Variants in PRKD1 observed in about 807,000 individuals in gnomAD.
PRKD1 encodes protein kinase D1, also known as serine/threonine-protein kinase D1.
Under a neutral mutation model 95.9 loss-of-function variants are expected in PRKD1, and 63 were observed. The observed-to-expected ratio is 0.66, with a 90% CI of 0.54 to 0.81. PRKD1 has a LOEUF of 0.81. Among genes scored for constraint, PRKD1 ranks in the 30% least tolerant of loss-of-function variants. The pLI is 0.00. For missense variants in PRKD1, 1,048 were observed against 1,165.3 expected (o/e 0.90, Z 1.47); for synonymous variants, 425 against 423.1 (o/e 1.00, Z -0.05).
intron 2 of PRKD1, among the ~76,000 whole-genome samples, chr14:29,686,090 C>T: frequency 6.6e-6 from 1 of 152,278 alleles, no homozygotes; most frequent in South Asian, 2.1e-4. Flanking sequence ...TTCCTACTTT[C>T]TTTAATAGTT....
intron 16 of PRKD1, among the ~76,000 whole-genome samples, chr14:29,582,460 T>C (rs1892784966): frequency 6.6e-6 from 1 of 152,212 alleles, no homozygotes; most frequent in Admixed American, 6.5e-5. Flanking sequence ...ATTTTATCTA[T>C]GATTTATTAA....
At chr14:29,604,211 T>C (rs1893624859) in intron 13 of PRKD1, among the ~76,000 whole-genome samples, 1 of 152,204 alleles carries the variant, frequency 6.6e-6, no homozygotes, top group Non-Finnish European at 1.5e-5. Flanking sequence ...ATCTAAGTAC[T>C]AATATTCTTT....
intron 1 of PRKD1, among the ~76,000 whole-genome samples, chr14:29,769,923 A>G (rs1181251074): frequency 1.3e-5 from 2 of 152,208 alleles, no homozygotes; most frequent in Non-Finnish European, 2.9e-5. Context: ...ATATGTTGAA[A>G]CCTAATCCTC....
At chr14:29,886,410 C>T (rs1893706676) in intron 1 of PRKD1, among the ~76,000 whole-genome samples, 5 of 152,170 alleles carry the variant, frequency 3.3e-5, no homozygotes, top group Admixed American at 6.5e-5. Flanking sequence ...CCAGGTAGAA[C>T]ATGAGAAAAT....
intron 2 of PRKD1, among the ~76,000 whole-genome samples, chr14:29,698,191 T>C (rs1284566299): frequency 2.6e-5 from 4 of 152,136 alleles, no homozygotes; most frequent in Admixed American, 2.0e-4. Flanking sequence ...ATTTGAAACA[T>C]AAACAAATGT....
chr14:29,597,119 T>C (rs1238924383), intron 16 of PRKD1, among the ~76,000 whole-genome samples: 1 of 152,184 alleles, frequency 6.6e-6, no homozygotes, highest in African/African-American at 2.4e-5. Context: ...ATCATTAAAA[T>C]ATCAATGTCA....
chr14:29,819,296 C>T (rs1397238374), intron 1 of PRKD1, among the ~76,000 whole-genome samples: 1 of 147,534 alleles, frequency 6.8e-6, no homozygotes, highest in African/African-American at 2.7e-5. Context: ...GAAATACATA[C>T]TGGTGTGGAG....
intron 4 of PRKD1, among the ~76,000 whole-genome samples, chr14:29,661,863 T>G (rs1349567775): frequency 6.6e-6 from 1 of 152,208 alleles, no homozygotes; most frequent in Non-Finnish European, 1.5e-5. Context: ...GATCATAATT[T>G]TACAAGCATT....
At chr14:29,619,365 G>A (rs1879091128) in intron 13 of PRKD1, among the ~76,000 whole-genome samples, 1 of 152,038 alleles carries the variant, frequency 6.6e-6, no homozygotes, top group Non-Finnish European at 1.5e-5. Context: ...CTACCTGGTT[G>A]GATACTATGG....
At chr14:29,723,018 C>T (rs1885974233) in intron 2 of PRKD1, among the ~76,000 whole-genome samples, 1 of 151,942 alleles carries the variant, frequency 6.6e-6, no homozygotes, top group Non-Finnish European at 1.5e-5. Flanking sequence ...AGGAGTGCTA[C>T]CAAGTGGAGA....
intron 2 of PRKD1, among the ~76,000 whole-genome samples, chr14:29,706,329 A>C (rs1885088609): frequency 6.6e-6 from 1 of 152,110 alleles, no homozygotes; most frequent in African/African-American, 2.4e-5. Flanking sequence ...TTTCAATGGA[A>C]ATTCAATCCA....
intron 4 of PRKD1, among the ~76,000 whole-genome samples, chr14:29,651,632 T>A (rs1881504316): frequency 6.6e-6 from 1 of 151,952 alleles, no homozygotes; most frequent in Non-Finnish European, 1.5e-5. Context: ...CATTATTATT[T>A]CTTCTATAGA....
At chr14:29,690,426 T>C (rs1390585731) in intron 2 of PRKD1, among the ~76,000 whole-genome samples, 2 of 152,188 alleles carry the variant, frequency 1.3e-5, no homozygotes, top group Non-Finnish European at 2.9e-5. Flanking sequence ...ACCCAAAACA[T>C]GGGTGTCATC....
intron 1 of PRKD1, among the ~76,000 whole-genome samples, chr14:29,885,840 G>A (rs143439476): frequency 5.5e-4 from 67 of 120,924 alleles, no homozygotes; most frequent in African/African-American, 1.9e-3. Context: ...ATAGCCAGGC[G>A]TGGTGGCACG....
At chr14:29,832,766 C>A (rs1891464220) in intron 1 of PRKD1, among the ~76,000 whole-genome samples, 1 of 151,950 alleles carries the variant, frequency 6.6e-6, no homozygotes, top group African/African-American at 2.4e-5. Context: ...ATTTTCTATC[C>A]TTTTATTTAA....
intron 16 of PRKD1, among the ~76,000 whole-genome samples, chr14:29,589,095 CA>C (rs1893037733): frequency 6.6e-6 from 1 of 152,034 alleles, no homozygotes; most frequent in Non-Finnish European, 1.5e-5. Flanking sequence ...TATGAAAACT[CA>C]GAAGGAAAAA....
chr14:29,816,581 T>C (rs1489400175), intron 1 of PRKD1, among the ~76,000 whole-genome samples: 1 of 152,230 alleles, frequency 6.6e-6, no homozygotes, highest in Non-Finnish European at 1.5e-5. Context: ...TGAACTTCTT[T>C]TAATTTTCTA....
At chr14:29,584,457 A>G (rs1057235357) in intron 16 of PRKD1, among the ~76,000 whole-genome samples, 1 of 152,110 alleles carries the variant, frequency 6.6e-6, no homozygotes, top group African/African-American at 2.4e-5. Flanking sequence ...ATTTCCTTTT[A>G]TTATTTCAAT....
intron 1 of PRKD1, among the ~76,000 whole-genome samples, chr14:29,896,429 T>C (rs1191315974): frequency 6.6e-6 from 1 of 152,078 alleles, no homozygotes; most frequent in African/African-American, 2.4e-5. Context: ...ATTTTTCCTT[T>C]GAACAGGTAA....
Sources: gnomAD v4.1 joint callset for allele counts (sites outside exome capture counted in the v4.1 genomes callset) on GRCh38, gnomAD v4.1.1 for gene constraint, MANE v1.5 for transcripts, NCBI Gene and HGNC (gene_info 2026-07-23, HGNC 2026-07-21) for gene names.